Variants in ASCC1 observed in about 807,000 individuals in gnomAD.
The protein encoded by ASCC1 is activating signal cointegrator 1 complex subunit 1, also known as ASC-1 complex subunit P50.
In ASCC1, 35 loss-of-function variants were observed where a neutral mutation model predicts 46.6. The observed-to-expected ratio is 0.75, with a 90% CI of 0.57 to 0.99. The LOEUF is 0.99. ASCC1 is among the 50% of genes least tolerant of loss of function. The pLI is 0.00. For synonymous variants in ASCC1, 143 were observed against 146.6 expected (o/e 0.98, Z 0.18); for missense variants, 376 against 428.7 (o/e 0.88, Z 1.09).
intron 5 of ASCC1, among the ~76,000 whole-genome samples, chr10:72,162,900 G>A (rs1191359562): frequency 6.7e-6 from 1 of 149,134 alleles, no homozygotes; most frequent in Non-Finnish European, 1.5e-5. Context: ...CCAAGATCAC[G>A]CCATTGCACT....
intron 5 of ASCC1, among the ~76,000 whole-genome samples, chr10:72,190,905 A>T (rs1469484042): frequency 6.7e-6 from 1 of 148,390 alleles, no homozygotes; most frequent in Non-Finnish European, 1.5e-5. Context: ...CTGAGGCAGG[A>T]GAATCGCTTG....
intron 9 of ASCC1, among the ~76,000 whole-genome samples, chr10:72,106,542 G>GT (rs1450227552): frequency 6.6e-6 from 1 of 152,164 alleles, no homozygotes; most frequent in South Asian, 2.1e-4. Context: ...GATAAAAGTA[G>GT]TAACACTATT....
At chr10:72,179,958 T>C (rs1852354993) in intron 5 of ASCC1, among the ~76,000 whole-genome samples, 2 of 152,066 alleles carry the variant, frequency 1.3e-5, no homozygotes, top group South Asian at 2.1e-4. Flanking sequence ...AACATAAAAA[T>C]ACTAATGACA....
At chr10:72,193,732 G>A (rs1287766822) in intron 5 of ASCC1, among the ~76,000 whole-genome samples, 1 of 151,972 alleles carries the variant, frequency 6.6e-6, no homozygotes, top group African/African-American at 2.4e-5. Flanking sequence ...TTCTTCAGAG[G>A]ATAATTGGCT....
At chr10:72,186,938 G>A (rs1201992027) in intron 5 of ASCC1, among the ~76,000 whole-genome samples, 1 of 137,808 alleles carries the variant, frequency 7.3e-6, no homozygotes, top group Admixed American at 7.2e-5. Flanking sequence ...GGATGCACAT[G>A]CACATGCCCA....
chr10:72,133,180 G>C lies in ASCC1; in HGVS notation c.748C>G (p.Leu250Val). The stretch of plus-strand genomic sequence containing the variant: ...AGCACTCGATCAACTAATTCTTGTA[G>C]CCTGGAGAAATTGGAGAAAAGTAAT... The part of the protein sequence containing the change: ...KVHMKDGSNR[L>V]QELVDRVLER... Residue 250 changes from leucine to valine, a missense_variant and splice_region_variant, in exon 8 of 10, where the codon CTA (leucine) becomes GTA (valine). Leu to Val is a conservative substitution (Grantham distance 32). Coordinates refer to ENST00000672957, the MANE Select transcript of ASCC1 (RefSeq NM_001198800.3). The C allele has an allele frequency of 6.2e-7, 1 of 1,614,002 alleles. No homozygotes were observed.
intron 7 of ASCC1, among the ~76,000 whole-genome samples, chr10:72,145,199 CTT>C (rs1207729196): frequency 4.6e-5 from 7 of 152,168 alleles, no homozygotes; most frequent in African/African-American, 1.7e-4. Context: ...AAGATCTTCT[CTT>C]TGTCTTTAAT....
At chr10:72,131,475 C>CAT (rs1394262604) in intron 8 of ASCC1, among the ~76,000 whole-genome samples, 1 of 151,534 alleles carries the variant, frequency 6.6e-6, no homozygotes, top group Non-Finnish European at 1.5e-5. Context: ...CACACACACA[C>CAT]ACTCAACTGG....
intron 8 of ASCC1, among the ~76,000 whole-genome samples, chr10:72,129,196 C>T (rs567648989): frequency 6.6e-6 from 1 of 152,212 alleles, no homozygotes; most frequent in Non-Finnish European, 1.5e-5. Context: ...AAGATCCCAA[C>T]CCCGTGCATA....
intron 6 of ASCC1, among the ~76,000 whole-genome samples, chr10:72,158,499 C>T (rs1293827230): frequency 6.6e-6 from 1 of 152,076 alleles, no homozygotes; most frequent in Non-Finnish European, 1.5e-5. Flanking sequence ...CCGGAGCTTC[C>T]GAATTTACTA....
chr10:72,108,307 G>A lies in ASCC1; in HGVS notation c.958-10857C>T, dbSNP rs1439699369. Among the ~76,000 whole-genome samples, 4 of 151,930 alleles carry A rather than the reference G, an allele frequency of 2.6e-5. No homozygotes were observed. The East Asian group carries it at 5.8e-4, about 22-fold the overall frequency. On this transcript the variant is annotated intron_variant, in intron 9 of 9. Coordinates refer to ENST00000672957, the MANE Select transcript of ASCC1 (RefSeq NM_001198800.3). ...GCCCAGGCTGGTCTCAAACTCCTGG[G>A]CTCAAGTGATCCTCCTACCTCCACC...
rs1287418701 is a variant in ASCC1 at position 72,206,108 on chromosome 10, AC to A, written c.213-2585del. Among the ~76,000 whole-genome samples, 261 of 149,582 alleles carry A rather than the reference AC, an allele frequency of 1.7e-3. 1 individual carries two copies. The highest frequency in any genetic ancestry group is 6.1e-3 in the African/African-American group (246 of 40,224). On this transcript the variant is annotated intron_variant, in intron 3 of 9. Coordinates refer to ENST00000672957, the MANE Select transcript of ASCC1 (RefSeq NM_001198800.3). ...GACAGAGCGAGACTCTGTCTCAAAAACAAAAAAAAAAAGAGGCCAGGCATGG... is the reference window on the plus strand; with the variant it reads ...GACAGAGCGAGACTCTGTCTCAAAAAAAAAAAAAAAAGAGGCCAGGCATGG...
intron 9 of ASCC1, among the ~76,000 whole-genome samples, chr10:72,127,660 G>GTTTATTT (rs1322644844): frequency 1.2e-5 from 1 of 86,896 alleles, no homozygotes; most frequent in African/African-American, 8.0e-5. Flanking sequence ...ATACCTAAGG[G>GTTTATTT]TTTCTTTTTT....
At chr10:72,167,829 G>A (rs901822657) in intron 5 of ASCC1, among the ~76,000 whole-genome samples, 9 of 151,506 alleles carry the variant, frequency 5.9e-5, no homozygotes, top group South Asian at 2.1e-4. Flanking sequence ...GTAGAAATGG[G>A]GTCTCATTAT....
rs554287462 is a variant in ASCC1 at position 72,166,154 on chromosome 10, G to C, written c.490-4480C>G. Among the ~76,000 whole-genome samples the C allele has an allele frequency of 5.3e-5, 8 of 152,136 alleles. No homozygotes were observed. The South Asian group carries it at 1.0e-3, about 20-fold the overall frequency. On this transcript the variant is annotated intron_variant, in intron 5 of 9. Coordinates refer to ENST00000672957, the MANE Select transcript of ASCC1 (RefSeq NM_001198800.3). ...TATATACATAGCCTTCCTAGTAATA[G>C]TTGCCCAAAGTGGGCTAGGACCATA...
intron 3 of ASCC1, among the ~76,000 whole-genome samples, chr10:72,207,128 A>G (rs1456076507): frequency 6.6e-6 from 1 of 152,156 alleles, no homozygotes; most frequent in Non-Finnish European, 1.5e-5. Flanking sequence ...AATACTCACT[A>G]TAGGCCAGAC....
At chr10:72,155,130 C>T (rs984349052) in intron 6 of ASCC1, among the ~76,000 whole-genome samples, 4 of 151,780 alleles carry the variant, frequency 2.6e-5, no homozygotes, top group South Asian at 4.2e-4. Context: ...CTATAAAATC[C>T]CTGGAAGGAT....
At chr10:72,116,705 T>C (rs1843532079) in intron 9 of ASCC1, among the ~76,000 whole-genome samples, 1 of 152,244 alleles carries the variant, frequency 6.6e-6, no homozygotes, top group South Asian at 2.1e-4. Context: ...ATTTCAGTTA[T>C]TGCCTTTTAT....
In ASCC1 at chr10:72,189,895, G is replaced by C. The variant is rs1471379166; in HGVS notation, c.489+6916C>G. On this transcript the variant is annotated intron_variant, in intron 5 of 9. Coordinates refer to ENST00000672957, the MANE Select transcript of ASCC1 (RefSeq NM_001198800.3). ...ATTTCTGTCTTCACTATAAGATTAA[G>C]AAAGTACAGCCTTTCTGTCTGGCGG... 4.8e-6 allele frequency: 3 copies of C among 620,762 alleles called. No individual in the cohort carries two copies. The African/African-American group carries it at 5.6e-5, about 12-fold the overall frequency. 38.5% of individuals were successfully genotyped at this position (620,762 alleles called of 1,614,324 possible). A position where few individuals can be genotyped will look rare whatever the true frequency, so the allele number is the denominator to read the frequency against.
Sources: allele counts gnomAD v4.1 joint callset (sites outside exome capture counted in the v4.1 genomes callset), GRCh38; gene constraint gnomAD v4.1.1; transcripts MANE v1.5; gene names NCBI Gene and HGNC (gene_info 2026-07-23, HGNC 2026-07-21).